PRELID2: variants seen among roughly 807,000 people sequenced by gnomAD.
The protein encoded by PRELID2 is PRELI domain-containing protein 2.
A neutral mutation model predicts 28.4 loss-of-function variants in PRELID2; 25 were observed. The ratio of observed to expected loss-of-function variants is 0.88; its 90% CI spans 0.64 to 1.23. The LOEUF is 1.23. Among genes scored for constraint, PRELID2 ranks in the 50% most tolerant of loss-of-function variants. The pLI is 0.00. For missense variants in PRELID2, 201 were observed against 214.4 expected, an observed-to-expected ratio of 0.94 and a Z score of 0.39; for synonymous variants, 76 against 71.6, an observed-to-expected ratio of 1.06 and a Z score of -0.31.
intron 5 of PRELID2, among the ~76,000 whole-genome samples, chr5:145,790,721 G>GTGTATATATATATATA (rs772901344): frequency 9.0e-6 from 1 of 110,910 alleles, no homozygotes; most frequent in African/African-American, 3.1e-5. Flanking sequence ...GTGTGTGTGT[G>GTGTATATATATATATA]TATATATATA....
At chr5:145,749,174 T>G (rs897851821) in intron 1 of PRELID2, among the ~76,000 whole-genome samples, 3 of 151,976 alleles carry the variant, frequency 2.0e-5, no homozygotes, top group Non-Finnish European at 2.9e-5. Flanking sequence ...ATCATCAGAG[T>G]GAAGAGGCAA....
the PRELID2 span, among the ~76,000 whole-genome samples, chr5:145,428,766 G>T: frequency 6.6e-6 from 1 of 152,156 alleles, no homozygotes; most frequent in Non-Finnish European, 1.5e-5. Flanking sequence ...GTCCTTATTG[G>T]TATGAAGAAG....
the PRELID2 span, among the ~76,000 whole-genome samples, chr5:145,436,493 A>G: frequency 6.6e-6 from 1 of 152,206 alleles, no homozygotes; most frequent in Non-Finnish European, 1.5e-5. Flanking sequence ...TAATTTCTTT[A>G]GAAATTGCTA....
At chr5:145,293,206 T>C in the PRELID2 span, among the ~76,000 whole-genome samples, 1,826 of 152,272 alleles carry the variant, frequency 0.012, 25 homozygotes, top group African/African-American at 0.041. Context: ...ATTGTCTTCA[T>C]CTGTATTGTC....
chr5:145,292,217 C>T, the PRELID2 span, among the ~76,000 whole-genome samples: 330 of 152,206 alleles, frequency 2.2e-3, 2 homozygotes, highest in African/African-American at 7.6e-3. Context: ...GAGTCACAGA[C>T]TTAGAAAAAT....
At chr5:145,425,133 G>A in the PRELID2 span, among the ~76,000 whole-genome samples, 105,367 of 151,854 alleles carry the variant, frequency 0.69, 37,006 homozygotes, top group Admixed American at 0.72. Context: ...GAAGACATAC[G>A]TATGGCCAAG....
In PRELID2 at chr5:145,794,657, C is replaced by T. The variant is rs542767199; in HGVS notation, c.474+1785G>A. ...AAGGAAGCAGGGAAAGCAGTTACCA[C>T]GTATCGGGTATGCTTATCTTTTAAG... On this transcript the variant is annotated intron_variant, in intron 5 of 6. Coordinates refer to ENST00000683046, the MANE Select transcript of PRELID2 (RefSeq NM_205846.3). 9.7e-4 allele frequency among the ~76,000 whole-genome samples: 147 copies of T among 152,190 alleles called. 1 individual carries two copies. The highest frequency in any genetic ancestry group is 6.8e-3 in the Middle Eastern group (2 of 294).
intron 1 of PRELID2, among the ~76,000 whole-genome samples, chr5:145,725,323 G>C (rs1384163408): frequency 6.6e-6 from 1 of 152,080 alleles, no homozygotes; most frequent in Non-Finnish European, 1.5e-5. Context: ...ACAAACATTA[G>C]AAGTCTGAAT....
the PRELID2 span, among the ~76,000 whole-genome samples, chr5:145,294,955 G>C: frequency 6.6e-6 from 1 of 152,050 alleles, no homozygotes; most frequent in Non-Finnish European, 1.5e-5. Context: ...TATTCTGTGA[G>C]AGCAAAAAAC....
the PRELID2 span, among the ~76,000 whole-genome samples, chr5:145,350,545 G>A: frequency 6.6e-6 from 1 of 152,136 alleles, no homozygotes; most frequent in Non-Finnish European, 1.5e-5. Flanking sequence ...CACGGAGACT[G>A]GAAAATGAGT....
chr5:145,408,405 A>AT, the PRELID2 span, among the ~76,000 whole-genome samples: 1 of 121,614 alleles, frequency 8.2e-6, no homozygotes, highest in Non-Finnish European at 1.9e-5. Flanking sequence ...TTATATATAT[A>AT]TATATATATA....
At position 145,771,787 on chromosome 5, in the gene PRELID2, G is replaced by A. The variant is rs150761102; in HGVS notation, c.475-6787C>T. ...GGAGAATTGCTTGAACGTGGGAGGC[G>A]AAGATTGCGGTGAGCCGAGATCGCA... On this transcript the variant is annotated intron_variant, in intron 5 of 6. Transcript: ENST00000683046. Among the ~76,000 whole-genome samples the A allele has an allele frequency of 8.0e-4, 121 of 152,052 alleles. No homozygotes were observed. The Middle Eastern group carries it at 0.01, about 13-fold the overall frequency.
At chr5:145,334,540 A>C in the PRELID2 span, among the ~76,000 whole-genome samples, 1 of 152,198 alleles carries the variant, frequency 6.6e-6, no homozygotes, top group Non-Finnish European at 1.5e-5. Flanking sequence ...CAATATCCTG[A>C]TGATTATTCT....
At chr5:145,743,934 C>A (rs1426803576) in intron 1 of PRELID2, among the ~76,000 whole-genome samples, 1 of 152,236 alleles carries the variant, frequency 6.6e-6, no homozygotes, top group Non-Finnish European at 1.5e-5. Flanking sequence ...GCTCCCTGGG[C>A]CGGGGAAGGG....
intron 1 of PRELID2, among the ~76,000 whole-genome samples, chr5:145,563,133 C>G (rs1752938183): frequency 6.6e-6 from 1 of 152,238 alleles, no homozygotes; most frequent in Admixed American, 6.5e-5. Context: ...TCCTCATACC[C>G]TGGCCACAGC....
intron 1 of PRELID2, among the ~76,000 whole-genome samples, chr5:145,611,578 G>T (rs536964237): frequency 6.6e-6 from 1 of 152,228 alleles, no homozygotes; most frequent in Non-Finnish European, 1.5e-5. Flanking sequence ...GATAAACCTA[G>T]CAAAATGGGT....
At chr5:145,728,672 G>C in intron 1 of PRELID2, 1 of 1,524,986 alleles carries the variant, frequency 6.6e-7, no homozygotes, top group Non-Finnish European at 9.1e-7. Context: ...TGTGGTTATA[G>C]TTGATGACCA....
intron 1 of PRELID2, among the ~76,000 whole-genome samples, chr5:145,711,739 TG>T (rs1241759712): frequency 2.2e-5 from 3 of 137,616 alleles, no homozygotes; most frequent in Non-Finnish European, 3.1e-5. Flanking sequence ...TTGGGTGGGT[TG>T]GGGGGCGGGG....
intron 1 of PRELID2, among the ~76,000 whole-genome samples, chr5:145,740,550 A>AAAAT (rs1756643490): frequency 3.2e-5 from 1 of 31,042 alleles, no homozygotes; most frequent in African/African-American, 8.1e-5. Context: ...CAACAACATG[A>AAAAT]GAATATTCAA....
Sources: allele counts gnomAD v4.1 joint callset (sites outside exome capture counted in the v4.1 genomes callset), GRCh38; gene constraint gnomAD v4.1.1; transcripts MANE v1.5; gene names NCBI Gene and HGNC (gene_info 2026-07-23, HGNC 2026-07-21).